BMERB1: variants seen among roughly 807,000 people sequenced by gnomAD.
BMERB1 encodes the protein bMERB domain-containing protein 1.
A neutral mutation model predicts 23.6 loss-of-function variants in BMERB1; 12 were observed. The ratio of observed to expected loss-of-function variants is 0.51; its 90% confidence interval spans 0.33 to 0.82. BMERB1 has a LOEUF of 0.82. Ranked by LOEUF, BMERB1 falls within the 40% of genes least tolerant of loss-of-function variation. BMERB1 has a pLI of 0.03. For synonymous variants in BMERB1, 122 were observed against 96.6 expected, an observed-to-expected ratio of 1.26 and a Z score of -1.54; for missense variants, 247 against 255.4, an observed-to-expected ratio of 0.97 and a Z score of 0.22.
rs139484297 is a variant in BMERB1 at position 15,577,887 on chromosome 16, C to A, written c.305-3330C>A. Among the ~76,000 whole-genome samples the A allele has an allele frequency of 3.4e-3, 513 of 152,278 alleles. 4 individuals are homozygous for A. The highest frequency in any genetic ancestry group is 0.017 in the Middle Eastern group (5 of 294). ...GCCATTTTGCCTCTTAATGTGCATG[C>A]TTGAGCCCAGTTGCCCAACTCCTGA... On this transcript the variant is annotated intron_variant, in intron 3 of 5. Coordinates refer to ENST00000300006, the MANE Select transcript of BMERB1 (RefSeq NM_033201.3).
At chr16:15,537,157 A>T (rs2052032999) in intron 2 of BMERB1, among the ~76,000 whole-genome samples, 1 of 152,184 alleles carries the variant, frequency 6.6e-6, no homozygotes, top group Non-Finnish European at 1.5e-5. Context: ...GGCTATATTT[A>T]TCAAGAAAAT....
chr16:15,541,108 C>T (rs547344658), intron 2 of BMERB1, among the ~76,000 whole-genome samples: 3 of 152,002 alleles, frequency 2.0e-5, no homozygotes, highest in Non-Finnish European at 2.9e-5. Context: ...ACCACCTCCT[C>T]GGGTTTGATA....
At chr16:15,499,653 C>T (rs1303961563) in intron 1 of BMERB1, among the ~76,000 whole-genome samples, 1 of 145,134 alleles carries the variant, frequency 6.9e-6, no homozygotes, top group African/African-American at 2.4e-5. Context: ...TTCTCTCTGC[C>T]TCCCTTTCCT....
intron 2 of BMERB1, among the ~76,000 whole-genome samples, chr16:15,546,627 C>T: frequency 6.6e-6 from 1 of 152,148 alleles, no homozygotes; most frequent in East Asian, 1.9e-4. Context: ...ACTATATGTC[C>T]ACGTGTAAGT....
chr16:15,515,190 G>A, intron 1 of BMERB1, 115 bp from the exon 2 acceptor site: 2 of 1,441,046 alleles, frequency 1.4e-6, no homozygotes, highest in Non-Finnish European at 1.9e-6. Context: ...GCTGAAGTCT[G>A]TCCTCAAGGT....
chr16:15,435,881 A>G (rs1049960970), intron 1 of BMERB1, among the ~76,000 whole-genome samples: 3 of 152,156 alleles, frequency 2.0e-5, no homozygotes, highest in African/African-American at 7.2e-5. Context: ...TTAGTGGTTC[A>G]TGGGCTAGGA....
chr16:15,504,740 A>G (rs2051567255), intron 1 of BMERB1, among the ~76,000 whole-genome samples: 1 of 151,906 alleles, frequency 6.6e-6, no homozygotes, highest in African/African-American at 2.4e-5. Flanking sequence ...GACATGAGCC[A>G]CCACATCCAG....
chr16:15,458,158 C>T (rs1465201330), intron 1 of BMERB1, among the ~76,000 whole-genome samples: 2 of 152,200 alleles, frequency 1.3e-5, no homozygotes, highest in East Asian at 1.9e-4. Flanking sequence ...ACTTTCCTGA[C>T]ACCTACAGGT....
At chr16:15,473,994 C>CCT (rs1238416624) in intron 1 of BMERB1, among the ~76,000 whole-genome samples, 3 of 151,896 alleles carry the variant, frequency 2.0e-5, no homozygotes, top group African/African-American at 7.3e-5. Flanking sequence ...GTGGCAGGTG[C>CCT]CTATAGTCCC....
At chr16:15,562,851 C>A (rs1044708991) in intron 2 of BMERB1, among the ~76,000 whole-genome samples, 1 of 152,228 alleles carries the variant, frequency 6.6e-6, no homozygotes, top group African/African-American at 2.4e-5. Flanking sequence ...AGGCAGCTGT[C>A]ACCTGCTAGG....
chr16:15,528,421 T>C (rs1346045924), intron 2 of BMERB1, among the ~76,000 whole-genome samples: 1 of 152,220 alleles, frequency 6.6e-6, no homozygotes, highest in Non-Finnish European at 1.5e-5. Flanking sequence ...TCAACATGAA[T>C]TTTGAAGAGT....
rs756533772 is a variant in BMERB1 at position 15,568,038 on chromosome 16, A to G, written c.286A>G (p.Asn96Asp). The G allele has an allele frequency of 1.2e-6, 2 of 1,613,996 alleles. No individual in the cohort carries two copies. Among genetic ancestry groups the G allele is most frequent in the Non-Finnish European group, 1.7e-6 (2 of 1,179,916 alleles). Residue 96 changes from asparagine to aspartate, a missense_variant, in exon 3 of 6, where the codon AAC (asparagine) becomes GAC (aspartate). Physicochemically the swap from Asn to Asp is conservative, Grantham distance 23 (BLOSUM62 1). Coordinates refer to ENST00000300006, the MANE Select transcript of BMERB1 (RefSeq NM_033201.3). ...DIMDLKQELQNLVAIPEKEKT... is the reference protein window; with the variant it reads ...DIMDLKQELQDLVAIPEKEKT... ...CATGGACTTGAAGCAGGAGCTGCAG[A>G]ACTTGGTCGCCATCCCAGGTAACCA...
At chr16:15,458,826 G>A (rs2051110622) in intron 1 of BMERB1, among the ~76,000 whole-genome samples, 1 of 151,626 alleles carries the variant, frequency 6.6e-6, no homozygotes, top group Non-Finnish European at 1.5e-5. Context: ...CACAAACAAA[G>A]CCAGGTGCGG....
chr16:15,495,237 G>A (rs547212521), intron 1 of BMERB1, among the ~76,000 whole-genome samples: 2 of 151,282 alleles, frequency 1.3e-5, no homozygotes, highest in African/African-American at 2.4e-5. Flanking sequence ...ACGGAGTTTC[G>A]CTCTGTTGCC....
chr16:15,563,287 C>T (rs2030475507), intron 2 of BMERB1, among the ~76,000 whole-genome samples: 1 of 150,876 alleles, frequency 6.6e-6, no homozygotes, highest in Non-Finnish European at 1.5e-5. Context: ...GTGGCGCAAT[C>T]TTGGCCCGCT....
At chr16:15,575,425 G>C (rs1252721972) in intron 3 of BMERB1, among the ~76,000 whole-genome samples, 1 of 152,182 alleles carries the variant, frequency 6.6e-6, no homozygotes, top group East Asian at 1.9e-4. Context: ...TTCAAGGCTA[G>C]CTAGGTGCCT....
At chr16:15,536,347 T>C (rs1038287625) in intron 2 of BMERB1, among the ~76,000 whole-genome samples, 13 of 151,912 alleles carry the variant, frequency 8.6e-5, no homozygotes, top group African/African-American at 3.1e-4. Context: ...AGCAGCCCCC[T>C]AGGGACCCCT....
At chr16:15,482,635 G>A (rs2051331487) in intron 1 of BMERB1, among the ~76,000 whole-genome samples, 1 of 152,104 alleles carries the variant, frequency 6.6e-6, no homozygotes. Context: ...TTTCACATCT[G>A]GAGGAGGAAA....
intron 1 of BMERB1, among the ~76,000 whole-genome samples, chr16:15,455,602 A>T (rs2051080002): frequency 1.3e-5 from 2 of 151,914 alleles, no homozygotes; most frequent in Admixed American, 1.3e-4. Context: ...ATGGGATTAC[A>T]GGCATGTGCC....
Sources: allele counts gnomAD v4.1 joint callset (sites outside exome capture counted in the v4.1 genomes callset), GRCh38; gene constraint gnomAD v4.1.1; transcripts MANE v1.5; gene names NCBI Gene and HGNC (gene_info 2026-07-23, HGNC 2026-07-21).